Variants in PCDHA9 observed in about 807,000 individuals in gnomAD.
The protein encoded by PCDHA9 is protocadherin alpha-9.
In PCDHA9, 62 loss-of-function variants were observed where a neutral mutation model predicts 62.0. That is an observed-to-expected ratio of 1.00 (90% CI 0.81 to 1.23). PCDHA9 has a LOEUF of 1.23. Among genes scored for constraint, PCDHA9 ranks in the 50% most tolerant of loss-of-function variants. The pLI, the probability that PCDHA9 is intolerant of heterozygous loss-of-function variation, is 0.00. For synonymous variants in PCDHA9, 557 were observed against 567.6 expected, an observed-to-expected ratio of 0.98 and a Z score of 0.27; for missense variants, 1,205 against 1,249.8, an observed-to-expected ratio of 0.96 and a Z score of 0.54.
intron 1 of PCDHA9, chr5:140,856,933 C>T: frequency 5.0e-6 from 8 of 1,593,874 alleles, no homozygotes; most frequent in Non-Finnish European, 6.0e-6. Flanking sequence ...TTTGGATAAA[C>T]GAAAGGACGG....
intron 1 of PCDHA9, chr5:140,870,427 G>C: frequency 6.2e-7 from 1 of 1,614,220 alleles, no homozygotes; most frequent in Non-Finnish European, 8.5e-7. Context: ...CAGGGTATCC[G>C]TGGAGGTGGC....
At position 140,849,462 on chromosome 5, in the gene PCDHA9, G is replaced by GTC. The variant is rs2150438289; in HGVS notation, c.968_969dup (p.Asp324SerfsTer21). ...AGCACACAAGATCCCAGTCGAGGCTGTCGATAAAGGCTTCCCACCCCTGGC... is the reference window on the plus strand; with the variant it reads ...AGCACACAAGATCCCAGTCGAGGCTGTCTCGATAAAGGCTTCCCACCCCTGGC... On this transcript the variant is annotated frameshift_variant, in exon 1 of 4. Transcript: ENST00000532602. LOFTEE classifies it high-confidence loss of function. 6.3e-7 allele frequency: 1 copy of GTC among 1,588,650 alleles called. No homozygotes were observed. The highest frequency in any genetic ancestry group is 8.6e-7 in the Non-Finnish European group (1 of 1,161,878).
At chr5:140,954,007 C>T (rs1277033706) in intron 1 of PCDHA9, among the ~76,000 whole-genome samples, 4 of 152,144 alleles carry the variant, frequency 2.6e-5, no homozygotes, top group Non-Finnish European at 4.4e-5. Flanking sequence ...CATCATTCAG[C>T]TCCCACACAT....
chr5:140,882,198 G>A lies in PCDHA9; in HGVS notation c.2394+31309G>A, dbSNP rs964999330. ...CCGCACTAGGAAGCCATAAAAATTG[G>A]GCCTTGAGAGACAGTTTGAGGTAAG... On this transcript the variant is annotated intron_variant, in intron 1 of 3. Coordinates refer to ENST00000532602, the MANE Select transcript of PCDHA9 (RefSeq NM_031857.2). The A allele has an allele frequency of 8.5e-6, 13 of 1,525,466 alleles. 1 individual carries two copies. In the East Asian group the frequency reaches 2.5e-4, roughly 29 times the overall value. The allele number at this position is 1,525,466 out of a possible 1,614,324, so 94.5% of individuals were successfully genotyped here.
chr5:140,937,197 C>T (rs1228010742), intron 1 of PCDHA9, among the ~76,000 whole-genome samples: 2 of 151,938 alleles, frequency 1.3e-5, no homozygotes, highest in African/African-American at 2.4e-5. Flanking sequence ...GCCACCATGC[C>T]CGGCTAATTT....
At chr5:140,976,241 T>C (rs1170027788) in intron 1 of PCDHA9, among the ~76,000 whole-genome samples, 3 of 152,144 alleles carry the variant, frequency 2.0e-5, no homozygotes, top group African/African-American at 4.8e-5. Context: ...TGTCATTTCA[T>C]GTAAATTTAT....
intron 1 of PCDHA9, chr5:140,876,774 G>C: frequency 3.7e-6 from 6 of 1,614,228 alleles, no homozygotes; most frequent in Non-Finnish European, 5.1e-6. Flanking sequence ...GCTCGCCTTC[G>C]CTGTGGGCCA....
Position 140,856,446 on chromosome 5 carries a change from C to T in PCDHA9, c.2394+5557C>T. On this transcript the variant is annotated intron_variant, in intron 1 of 3. Coordinates refer to ENST00000532602, the MANE Select transcript of PCDHA9 (RefSeq NM_031857.2). ...ATTAACGACAACCCGCCCAGGTTCTCCGTAACAGAACAAAAGCTCTCAATA... is the reference window on the plus strand; with the variant it reads ...ATTAACGACAACCCGCCCAGGTTCTTCGTAACAGAACAAAAGCTCTCAATA... 1.9e-6 allele frequency: 3 copies of T among 1,598,398 alleles called. 1 individual carries two copies. Among genetic ancestry groups the T allele is most frequent in the Non-Finnish European group, 8.6e-7 (1 of 1,167,936 alleles).
chr5:140,869,320 G>A, intron 1 of PCDHA9: 1 of 1,613,846 alleles, frequency 6.2e-7, no homozygotes, highest in Non-Finnish European at 8.5e-7. Flanking sequence ...AACACATGGG[G>A]ACCTTCTGGA....
chr5:140,956,774 C>A (rs1232431991), intron 1 of PCDHA9, among the ~76,000 whole-genome samples: 2 of 152,070 alleles, frequency 1.3e-5, no homozygotes, highest in Non-Finnish European at 2.9e-5. Flanking sequence ...TCTGTCTGGT[C>A]CTGGGCTTTG....
At chr5:140,948,447 A>G (rs2094256090) in intron 1 of PCDHA9, among the ~76,000 whole-genome samples, 1 of 151,282 alleles carries the variant, frequency 6.6e-6, no homozygotes, top group Non-Finnish European at 1.5e-5. Flanking sequence ...TGTGCCAGGG[A>G]TTTTCTTTTA....
Position 140,848,473 on chromosome 5 carries a change from TAGA to T in PCDHA9, c.-16_-14del. The T allele has an allele frequency of 1.3e-6, 2 of 1,556,440 alleles. No homozygotes were observed. The highest frequency in any genetic ancestry group is 8.7e-7 in the Non-Finnish European group (1 of 1,144,860). ...TAATTTGGAGGCAATTTTCACTAAT[TAGA>T]AGAAGACTGAGTATTTGAAATGTTA... On this transcript the variant is annotated 5_prime_UTR_variant, in exon 1 of 4. Coordinates refer to ENST00000532602, the MANE Select transcript of PCDHA9 (RefSeq NM_031857.2).
intron 3 of PCDHA9, among the ~76,000 whole-genome samples, chr5:140,984,877 C>A (rs1178230954): frequency 1.3e-5 from 2 of 151,944 alleles, no homozygotes; most frequent in Non-Finnish European, 2.9e-5. Flanking sequence ...TATTGAGTTA[C>A]CATGAGAACT....
chr5:141,010,535 C>G lies in PCDHA9; in HGVS notation c.*598C>G, dbSNP rs1423355739. 1 of 386,620 alleles carries G rather than the reference C, an allele frequency of 2.6e-6. No homozygotes were observed. Among genetic ancestry groups the G allele is most frequent in the African/African-American group, 2.0e-5 (1 of 48,880 alleles). 23.9% of individuals were successfully genotyped at this position (386,620 alleles called of 1,614,324 possible). On this transcript the variant is annotated 3_prime_UTR_variant, in exon 4 of 4. Coordinates refer to ENST00000532602, the MANE Select transcript of PCDHA9 (RefSeq NM_031857.2). ...CAACTCAAGAGGTGGCAGCCACCCT[C>G]TAGGAGACAAAACTACCCCCACTGA...
intron 1 of PCDHA9, among the ~76,000 whole-genome samples, chr5:140,947,763 A>C (rs1392881813): frequency 1.3e-5 from 2 of 151,658 alleles, no homozygotes; most frequent in Non-Finnish European, 3.0e-5. Context: ...TGGTTTAAAA[A>C]ATTCTATTGT....
At chr5:140,851,660 T>G in intron 1 of PCDHA9, 1 of 914,450 alleles carries the variant, frequency 1.1e-6, no homozygotes, top group African/African-American at 1.8e-5. Flanking sequence ...GACATTCTCC[T>G]TTTAATTGAA....
intron 1 of PCDHA9, chr5:140,928,757 G>A (rs372744198): frequency 6.2e-7 from 1 of 1,613,974 alleles, no homozygotes; most frequent in African/African-American, 1.3e-5. Flanking sequence ...CGTACTGCTC[G>A]CTTAGTTCTT....
chr5:140,978,721 A>C (rs2096819896), intron 1 of PCDHA9, among the ~76,000 whole-genome samples: 1 of 152,236 alleles, frequency 6.6e-6, no homozygotes, highest in African/African-American at 2.4e-5. Flanking sequence ...CAAGATTATT[A>C]AATCTGGTCT....
In PCDHA9 at chr5:140,850,811, C is replaced by T; in HGVS notation, c.2316C>T (p.Phe772=). ...AGCAGAAGACCGACCTCATGGCCTTCAGCCCGGGCCTTTCTCCTTGTGCTG... is the reference window on the plus strand; with the variant it reads ...AGCAGAAGACCGACCTCATGGCCTTTAGCCCGGGCCTTTCTCCTTGTGCTG... The part of the protein sequence containing the change: ...EGKQKTDLMA[F]SPGLSPCAGS... Residue 772 remains phenylalanine, a synonymous_variant, in exon 1 of 4, where the codon TTC becomes TTT. Transcript: ENST00000532602. The T allele has an allele frequency of 6.3e-7, 1 of 1,598,320 alleles. No individual in the cohort carries two copies. The highest frequency in any genetic ancestry group is 8.6e-7 in the Non-Finnish European group (1 of 1,167,700).
Sources: allele counts gnomAD v4.1 joint callset (sites outside exome capture counted in the v4.1 genomes callset), GRCh38; gene constraint gnomAD v4.1.1; transcripts MANE v1.5; gene names NCBI Gene and HGNC (gene_info 2026-07-23, HGNC 2026-07-21).